PCLO: variants seen among roughly 807,000 people sequenced by gnomAD.
PCLO encodes the protein piccolo presynaptic cytomatrix protein.
Under a neutral mutation model 427.5 loss-of-function variants are expected in PCLO, and 82 were observed. The observed-to-expected ratio is 0.19, with a 90% CI of 0.16 to 0.23. PCLO has a LOEUF of 0.23. PCLO is among the 10% of genes least tolerant of loss of function. PCLO has a pLI of 1.00. For synonymous variants in PCLO, 2,357 were observed against 2,155.4 expected (o/e 1.09, Z -2.59); for missense variants, 6,239 against 6,115.9 (o/e 1.02, Z -0.67).
Position 82,955,386 on chromosome 7 carries a change from C to T in PCLO, c.5567G>A (p.Cys1856Tyr). The T allele has an allele frequency of 1.2e-6, 2 of 1,613,800 alleles. No individual in the cohort carries two copies. The highest frequency in any genetic ancestry group is 1.7e-6 in the Non-Finnish European group (2 of 1,179,824). ...AEMEELHRSSCSEYSPSIESD... is the reference protein window; with the variant it reads ...AEMEELHRSSYSEYSPSIESD... ...CTCTATGCTAGGTGAATATTCAGAA[C>T]AAGAAGATCTATGGAGCTCCTCCAT... Residue 1856 changes from cysteine to tyrosine, a missense_variant, in exon 5 of 25, where the codon TGT (cysteine) becomes TAT (tyrosine). Around this residue, in one of 5 missense-constraint regions of PCLO, gnomAD observed 4,677 missense variants for 4,468.4 expected, o/e 1.05. Coordinates refer to ENST00000333891, the MANE Select transcript of PCLO (RefSeq NM_033026.6).
At chr7:82,793,821 C>T (rs1791158336) in intron 22 of PCLO, among the ~76,000 whole-genome samples, 1 of 152,098 alleles carries the variant, frequency 6.6e-6, no homozygotes, top group Admixed American at 6.5e-5. Flanking sequence ...TCTGGATTCA[C>T]AAAGTATTGT....
At chr7:82,957,160 T>C (rs1462650715) in intron 4 of PCLO, among the ~76,000 whole-genome samples, 1 of 152,220 alleles carries the variant, frequency 6.6e-6, no homozygotes, top group Non-Finnish European at 1.5e-5. Flanking sequence ...TTCTCAATGA[T>C]ATTTGATCTT....
intron 22 of PCLO, among the ~76,000 whole-genome samples, chr7:82,762,980 G>A (rs75078295): frequency 0.013 from 1,926 of 151,976 alleles, 46 homozygotes; most frequent in African/African-American, 0.043. Context: ...TCACTCTGTC[G>A]CTCAGGCTGA....
intron 14 of PCLO, among the ~76,000 whole-genome samples, chr7:82,840,977 TTTTTA>T (rs1330737216): frequency 2.0e-5 from 3 of 151,614 alleles, no homozygotes; most frequent in Non-Finnish European, 2.9e-5. Flanking sequence ...TCTTTATCTA[TTTTTA>T]TTTTATTTTC....
intron 22 of PCLO, among the ~76,000 whole-genome samples, chr7:82,787,752 GCTGA>G (rs1009206342): frequency 4.0e-5 from 6 of 151,858 alleles, no homozygotes; most frequent in Admixed American, 6.6e-5. Flanking sequence ...TAAACTCACG[GCTGA>G]CTATTTAAAA....
chr7:83,022,479 C>T lies in PCLO; in HGVS notation c.3301-55992G>A, dbSNP rs965409364. Among the ~76,000 whole-genome samples, 4 of 152,102 alleles carry T rather than the reference C, an allele frequency of 2.6e-5. No individual in the cohort carries two copies. In the South Asian group the frequency reaches 6.2e-4, roughly 24 times the overall value. On this transcript the variant is annotated intron_variant, in intron 3 of 24. Transcript: ENST00000333891. ...GATCAAAAAATACCAGGACCCGATT[C>T]TTCAGGACAAGCTAGGAGTCTTCCC...
intron 3 of PCLO, among the ~76,000 whole-genome samples, chr7:83,093,736 G>T (rs1219483943): frequency 6.9e-6 from 1 of 144,356 alleles, no homozygotes. Flanking sequence ...CTCGTGATCC[G>T]CCAGCCTCGG....
At chr7:83,117,628 C>T (rs1448614336) in intron 3 of PCLO, among the ~76,000 whole-genome samples, 1 of 152,164 alleles carries the variant, frequency 6.6e-6, no homozygotes, top group African/African-American at 2.4e-5. Flanking sequence ...TCACCTGTGA[C>T]TCAAACTCAC....
chr7:82,995,767 A>G lies in PCLO; in HGVS notation c.3301-29280T>C, dbSNP rs906813495. 3.3e-5 allele frequency among the ~76,000 whole-genome samples: 5 copies of G among 151,956 alleles called. 1 individual carries two copies. The highest frequency in any genetic ancestry group is 3.9e-4 in the East Asian group (2 of 5,174). ...TATTAAAACTGGTAATGATAATAGTACTTATCTCATTCAGTTTTGTGAAAA... is the reference window on the plus strand; with the variant it reads ...TATTAAAACTGGTAATGATAATAGTGCTTATCTCATTCAGTTTTGTGAAAA... On this transcript the variant is annotated intron_variant, in intron 3 of 24. Transcript: ENST00000333891.
chr7:82,915,428 T>A lies in PCLO; in HGVS notation c.12558A>T (p.Gln4186His), dbSNP rs761032502. The A allele has an allele frequency of 2.5e-6, 4 of 1,613,662 alleles. No homozygotes were observed. The Admixed American group carries it at 6.7e-5, about 27-fold the overall frequency. ...GTGATTTCTTATGCTTTGACTGCTT[T>A]TGATAAAGTATGGCTGCTGGCAGTT... ...AKQLPAAILY[Q>H]KQSKHKKSLI... Residue 4186 changes from glutamine (Q) to histidine (H), a missense_variant, in exon 7 of 25, where the codon CAA becomes CAT. Physicochemically the swap from Gln to His is conservative, Grantham distance 24. This residue lies in a region of PCLO where 680 missense variants were observed against 677.3 expected (regional missense o/e 1.00). Transcript: ENST00000333891.
In PCLO at chr7:82,916,716, A is replaced by G. The variant is rs760738539; in HGVS notation, c.11270T>C (p.Met3757Thr). 4 of 1,613,424 alleles carry G rather than the reference A, an allele frequency of 2.5e-6. No homozygotes were observed. The highest frequency in any genetic ancestry group is 3.4e-6 in the Non-Finnish European group (4 of 1,179,688). The change falls in exon 7 of 25, where the codon ATG becomes ACG. Residue 3757 changes from methionine (M) to threonine (T), a missense_variant. Transcript: ENST00000333891. ...SRRRICRTNT[M>T]ARAKILQDID... ...GTCCTGGAGAATCTTGGCTCGTGCC[A>G]TTGTGTTGGTTCTGCAGATCCTTCT... is the stretch of plus-strand genomic sequence containing the variant.
chr7:82,803,957 A>G (rs1171284408), intron 21 of PCLO, among the ~76,000 whole-genome samples: 3 of 152,146 alleles, frequency 2.0e-5, no homozygotes, highest in Non-Finnish European at 2.9e-5. Context: ...TACATAATCT[A>G]CTTATACTGC....
chr7:82,974,268 C>T (rs535313791), intron 3 of PCLO, among the ~76,000 whole-genome samples: 1 of 152,126 alleles, frequency 6.6e-6, no homozygotes, highest in Non-Finnish European at 1.5e-5. Context: ...CACCTGTAAT[C>T]TCAGCTACTT....
intron 3 of PCLO, among the ~76,000 whole-genome samples, chr7:83,061,889 T>C (rs1339591740): frequency 5.9e-5 from 9 of 152,198 alleles, no homozygotes; most frequent in Admixed American, 4.6e-4. Context: ...CTCAATCCTA[T>C]TCCTGAGAAC....
At chr7:83,024,548 C>A (rs1029889764) in intron 3 of PCLO, among the ~76,000 whole-genome samples, 3 of 152,158 alleles carry the variant, frequency 2.0e-5, no homozygotes, top group South Asian at 4.1e-4. Context: ...CGCCATTGCC[C>A]AGGCTTGATT....
chr7:83,097,298 G>A (rs78513000), intron 3 of PCLO, among the ~76,000 whole-genome samples: 58,847 of 131,964 alleles, frequency 0.45, 14,167 homozygotes, highest in East Asian at 0.72. Flanking sequence ...TGAGGTGGGC[G>A]GATCACGAGG....
At chr7:82,804,476 G>C (rs1791419626) in intron 21 of PCLO, among the ~76,000 whole-genome samples, 2 of 152,160 alleles carry the variant, frequency 1.3e-5, no homozygotes, top group South Asian at 4.1e-4. Flanking sequence ...CAGAAGGAAA[G>C]ATTTATAAGA....
At chr7:83,123,488 A>T (rs1190444042) in intron 3 of PCLO, among the ~76,000 whole-genome samples, 1 of 152,180 alleles carries the variant, frequency 6.6e-6, no homozygotes, top group East Asian at 1.9e-4. Flanking sequence ...AATTGATTAA[A>T]GAATTAAATC....
chr7:83,054,583 T>A (rs2116280782), intron 3 of PCLO, among the ~76,000 whole-genome samples: 1 of 152,102 alleles, frequency 6.6e-6, no homozygotes, highest in Admixed American at 6.6e-5. Flanking sequence ...AAAAAATCAA[T>A]TCAGGCATTA....
Sources: allele counts gnomAD v4.1 joint callset (sites outside exome capture counted in the v4.1 genomes callset), GRCh38; gene constraint gnomAD v4.1.1; regional missense constraint gnomAD v4.1.1; transcripts MANE v1.5; gene names NCBI Gene and HGNC (gene_info 2026-07-23, HGNC 2026-07-21).